The following PCDH15 variants were observed in gnomAD, a reference collection of about 807,000 sequenced individuals.
PCDH15 encodes the protein protocadherin-15.
A neutral mutation model predicts 178.5 loss-of-function variants in PCDH15; 129 were observed. That is an observed-to-expected ratio of 0.72 (90% CI 0.63 to 0.84). PCDH15 has a LOEUF of 0.84. PCDH15 is among the 40% of genes least tolerant of loss of function. PCDH15 has a pLI of 0.00. For missense variants in PCDH15, 2,230 were observed against 2,099.9 expected (o/e 1.06, Z -1.21); for synonymous variants, 800 against 732.0 (o/e 1.09, Z -1.50).
intron 2 of PCDH15, among the ~76,000 whole-genome samples, chr10:55,433,666 C>T (rs1448796272): frequency 7.1e-6 from 1 of 141,744 alleles, no homozygotes; most frequent in Admixed American, 7.3e-5. Flanking sequence ...TAATATAATC[C>T]AATGTATCAT....
At chr10:55,485,706 T>C (rs1840280257) in intron 2 of PCDH15, among the ~76,000 whole-genome samples, 1 of 151,498 alleles carries the variant, frequency 6.6e-6, no homozygotes, top group South Asian at 2.1e-4. Flanking sequence ...ACGTTTAGTA[T>C]AGCCATTATG....
At chr10:54,204,690 C>T (rs1273886476) in intron 10 of PCDH15, among the ~76,000 whole-genome samples, 2 of 152,054 alleles carry the variant, frequency 1.3e-5, no homozygotes, top group Non-Finnish European at 1.5e-5. Context: ...AGGATACGGG[C>T]GCTCAAGTCC....
intron 14 of PCDH15, among the ~76,000 whole-genome samples, chr10:54,139,677 T>C (rs1305684584): frequency 1.3e-5 from 2 of 151,968 alleles, no homozygotes; most frequent in South Asian, 2.1e-4. Context: ...TGTGTTTTTA[T>C]TGAGAAAACG....
At chr10:54,067,044 A>G (rs771910417) in intron 17 of PCDH15, among the ~76,000 whole-genome samples, 159 bp from the exon 18 acceptor site, 1 of 152,074 alleles carries the variant, frequency 6.6e-6, no homozygotes, top group Non-Finnish European at 1.5e-5. Context: ...AAAAAATTAA[A>G]AAAAAGAAGC....
intron 2 of PCDH15, among the ~76,000 whole-genome samples, chr10:55,609,237 T>C (rs1843305873): frequency 6.6e-6 from 1 of 152,022 alleles, no homozygotes; most frequent in Non-Finnish European, 1.5e-5. Context: ...GTGTAACCAA[T>C]CTAAATGTAT....
At chr10:55,415,711 T>A (rs1265683494) in intron 2 of PCDH15, among the ~76,000 whole-genome samples, 3 of 151,640 alleles carry the variant, frequency 2.0e-5, no homozygotes, top group Non-Finnish European at 4.4e-5. Flanking sequence ...GATTATCTTG[T>A]TTTCATATGT....
At chr10:55,592,188 T>G (rs1842855031) in intron 2 of PCDH15, among the ~76,000 whole-genome samples, 1 of 152,198 alleles carries the variant, frequency 6.6e-6, no homozygotes, top group Non-Finnish European at 1.5e-5. Context: ...GTCCAATCTC[T>G]ATTCTTCTCA....
At chr10:54,797,839 TG>T (rs1215176288) in intron 1 of PCDH15, among the ~76,000 whole-genome samples, 1 of 151,938 alleles carries the variant, frequency 6.6e-6, no homozygotes, top group Non-Finnish European at 1.5e-5. Context: ...TTACTCAGCG[TG>T]ACTGACTTTT....
chr10:54,166,476 T>A (rs897684936), intron 13 of PCDH15, among the ~76,000 whole-genome samples: 1 of 152,310 alleles, frequency 6.6e-6, no homozygotes, highest in Non-Finnish European at 1.5e-5. Flanking sequence ...CATACATATA[T>A]TAGGACTTGC....
At chr10:54,648,516 A>C (rs1340564743) in intron 2 of PCDH15, among the ~76,000 whole-genome samples, 1 of 152,160 alleles carries the variant, frequency 6.6e-6, no homozygotes, top group Admixed American at 6.6e-5. Flanking sequence ...GTAGCCCCTT[A>C]AAAATAAAGC....
chr10:54,549,280 T>C (rs2086263394), intron 2 of PCDH15, among the ~76,000 whole-genome samples: 1 of 151,846 alleles, frequency 6.6e-6, no homozygotes, highest in African/African-American at 2.4e-5. Context: ...TCAGCCTTTC[T>C]TCTTTTCAAC....
At chr10:54,512,604 A>G (rs1565464549) in intron 3 of PCDH15, among the ~76,000 whole-genome samples, 1 of 152,136 alleles carries the variant, frequency 6.6e-6, no homozygotes, top group Admixed American at 6.6e-5. Flanking sequence ...TCCTCATTTC[A>G]TGAACTGCAA....
intron 25 of PCDH15, among the ~76,000 whole-genome samples, chr10:53,917,881 A>T (rs1254377107): frequency 6.6e-6 from 1 of 151,878 alleles, no homozygotes; most frequent in Non-Finnish European, 1.5e-5. Context: ...TTCTCAAGAG[A>T]TCTAGATATT....
At chr10:54,040,879 C>G (rs10740569) in intron 18 of PCDH15, among the ~76,000 whole-genome samples, 1 of 151,758 alleles carries the variant, frequency 6.6e-6, no homozygotes, top group Non-Finnish European at 1.5e-5. Flanking sequence ...TGCCAATATA[C>G]GAAGATTTGG....
chr10:54,930,623 T>C (rs765718731), intron 2 of PCDH15, among the ~76,000 whole-genome samples: 6 of 152,182 alleles, frequency 3.9e-5, no homozygotes, highest in Non-Finnish European at 8.8e-5. Context: ...GGTTTAAATG[T>C]CCTTTTAATG....
At chr10:55,085,511 G>T (rs1266419298) in intron 2 of PCDH15, among the ~76,000 whole-genome samples, 1 of 151,800 alleles carries the variant, frequency 6.6e-6, no homozygotes, top group Non-Finnish European at 1.5e-5. Flanking sequence ...ATAACACAAA[G>T]AAAGGAGAAA....
In PCDH15 at chr10:53,866,658, C is replaced by A. The variant is rs780341853; in HGVS notation, c.3701G>T (p.Gly1234Val). The A allele has an allele frequency of 1.9e-6, 3 of 1,613,446 alleles. No individual in the cohort carries two copies. The highest frequency in any genetic ancestry group is 3.3e-5 in the Admixed American group (2 of 59,958). The change falls in exon 27 of 38, where the codon GGC becomes GTC. Residue 1234 changes from glycine to valine, a missense_variant. Transcript: ENST00000644397. ...TCTACTTACGAGTACATCGGCTTTG[C>A]CGCTCAGTCCCTTCCCATAGTCGTC... is the stretch of plus-strand genomic sequence containing the variant. ...ATDDYGKGLS[G>V]KADVLVSVVN...
chr10:55,274,814 A>G (rs1049913331), intron 1 of PCDH15, among the ~76,000 whole-genome samples: 1 of 152,000 alleles, frequency 6.6e-6, no homozygotes, highest in African/African-American at 2.4e-5. Context: ...GTATTCTCAT[A>G]AGGAGCGTGA....
At chr10:55,500,211 T>G (rs879347998) in intron 2 of PCDH15, among the ~76,000 whole-genome samples, 2 of 151,754 alleles carry the variant, frequency 1.3e-5, no homozygotes, top group Non-Finnish European at 2.9e-5. Context: ...TGTATTAGGA[T>G]GTATGATATT....
Sources: allele counts gnomAD v4.1 joint callset (sites outside exome capture counted in the v4.1 genomes callset), GRCh38; gene constraint gnomAD v4.1.1; transcripts MANE v1.5; gene names NCBI Gene and HGNC (gene_info 2026-07-23, HGNC 2026-07-21).